Variants in PPP1R12C observed in about 807,000 individuals in gnomAD.
The protein encoded by PPP1R12C is leukocyte receptor cluster (LRC) encoded novel gene 3.
A neutral mutation model predicts 95.6 loss-of-function variants in PPP1R12C; 48 were observed. That is an observed-to-expected ratio of 0.50 (90% CI 0.40 to 0.64). PPP1R12C has a LOEUF of 0.64. Among genes scored for constraint, PPP1R12C ranks in the 30% least tolerant of loss-of-function variants. The probability of loss-of-function intolerance (pLI) is 0.00; values close to 1 mark genes in which losing one functional copy is unlikely to be tolerated. For missense variants in PPP1R12C, 1,057 were observed against 1,083.3 expected, an observed-to-expected ratio of 0.98 and a Z score of 0.34; for synonymous variants, 480 against 460.8, an observed-to-expected ratio of 1.04 and a Z score of -0.53.
rs2147197134 is a variant in PPP1R12C, at chr19:55,103,413, T to C, written c.727A>G (p.Met243Val). 2 of 1,506,716 alleles carry C rather than the reference T, an allele frequency of 1.3e-6. No individual in the cohort carries two copies. The highest frequency in any genetic ancestry group is 2.5e-5 in the East Asian group (1 of 40,700). 93.3% of individuals were successfully genotyped at this position (1,506,716 alleles called of 1,614,324 possible). The change falls in exon 4 of 22, where the codon ATG (methionine) becomes GTG (valine). Residue 243 changes from methionine to valine, a missense_variant. Around this residue, in one of 5 missense-constraint regions of PPP1R12C, gnomAD observed 282 missense variants for 380.4 expected, o/e 0.74. Transcript: ENST00000263433. ...VAAAKGYIEV[M>V]RLLLQAGYDP... ...GAACAGACTGGCCCAACTCACCTCATCACCTCAATGTAGCCCTTGGCAGCA... is the reference window on the plus strand; with the variant it reads ...GAACAGACTGGCCCAACTCACCTCACCACCTCAATGTAGCCCTTGGCAGCA...
chr19:55,105,885 T>C (rs1225559399), intron 3 of PPP1R12C, among the ~76,000 whole-genome samples: 1 of 151,328 alleles, frequency 6.6e-6, no homozygotes, highest in Non-Finnish European at 1.5e-5. Flanking sequence ...AAGGCTGCAG[T>C]GAGCCATTAT....
rs1270400181 is a variant in PPP1R12C at position 55,092,470 on chromosome 19, G to C, written c.2027C>G (p.Ser676Trp). 6.2e-7 allele frequency: 1 copy of C among 1,609,762 alleles called. No individual in the cohort carries two copies. The highest frequency in any genetic ancestry group is 1.7e-5 in the Admixed American group (1 of 59,698). ...RDLNPEPEPE[S>W]EEPDGGFRTL... ...CCTAAAGCCTCCGTCTGGCTCTTCC[G>C]ATTCTGGCTCAGGTTCTGGGTTGAG... Residue 676 changes from serine (S) to tryptophan (W), a missense_variant, in exon 18 of 22, where the codon TCG (serine) becomes TGG (tryptophan). Physicochemically the swap from Ser to Trp is radical, Grantham distance 177. Coordinates refer to ENST00000263433, the MANE Select transcript of PPP1R12C (RefSeq NM_017607.4).
chr19:55,113,456 GCAGC>G, intron 1 of PPP1R12C: 1 of 1,484,546 alleles, frequency 6.7e-7, no homozygotes, highest in Non-Finnish European at 8.9e-7. Flanking sequence ...ACGGGGCCCT[GCAGC>G]CAGGGGCTGA....
chr19:55,106,313 A>G (rs1324849217), intron 3 of PPP1R12C, among the ~76,000 whole-genome samples: 1 of 152,202 alleles, frequency 6.6e-6, no homozygotes, highest in Non-Finnish European at 1.5e-5. Context: ...ACATCTGCCC[A>G]TGGTTGGGAA....
intron 16 of PPP1R12C, 40 bp from the exon 17 acceptor site, chr19:55,092,702 G>A: frequency 6.5e-7 from 1 of 1,527,392 alleles, no homozygotes; most frequent in Non-Finnish European, 8.8e-7. Context: ...GTATGGGAGG[G>A]ACTTTAGCGG....
chr19:55,112,968 G>T, intron 1 of PPP1R12C, 173 bp from the exon 2 acceptor site: 1 of 911,150 alleles, frequency 1.1e-6, no homozygotes, highest in Non-Finnish European at 1.6e-6. Context: ...TGGTTGCCCA[G>T]TGGTCAGGCC....
Position 55,109,742 on chromosome 19 carries a change from G to A in PPP1R12C, c.571+2725C>T, listed in dbSNP as rs1568818572. 3.3e-5 allele frequency among the ~76,000 whole-genome samples: 5 copies of A among 152,236 alleles called. No individual in the cohort carries two copies. Among genetic ancestry groups the A allele is most frequent in the Admixed American group, 3.3e-4 (5 of 15,290 alleles). ...CACCTCGGGGAATTCTGCATCATGT[G>A]GGCGTGTCCTGCAGGGGGTGCAAAA... On this transcript the variant is annotated intron_variant, in intron 3 of 21. Transcript: ENST00000263433. This position sits in a 1 kb window ranked among gnomAD's most constrained non-coding sequence, Gnocchi z 4.4.
At chr19:55,108,512 TTCCTA>T (rs1170565304) in intron 3 of PPP1R12C, among the ~76,000 whole-genome samples, 1 of 152,116 alleles carries the variant, frequency 6.6e-6, no homozygotes, top group Non-Finnish European at 1.5e-5. Context: ...ACTAAACTAC[TTCCTA>T]TTCTCCCCAC....
intron 3 of PPP1R12C, among the ~76,000 whole-genome samples, chr19:55,104,219 A>C (rs996461519): frequency 8.0e-5 from 11 of 137,196 alleles, no homozygotes; most frequent in South Asian, 2.3e-4. Context: ...CACACATACA[A>C]AAATATAAAT....
chr19:55,094,792 C>T lies in PPP1R12C; in HGVS notation c.1461G>A (p.Glu487=), dbSNP rs376368537. The stretch of plus-strand genomic sequence containing the variant: ...CCAAGCAAGGAGGAGGCTTGGTGAC[C>T]TCAGACCTGCATCAATTCATTCATT... ...PKLPEPSVLS[E]VTKPPPCLEN... is the part of the protein sequence containing the mutation. The change falls in exon 12 of 22, where the codon GAG becomes GAA. Residue 487 remains glutamate, a synonymous_variant. Transcript: ENST00000263433. The T allele has an allele frequency of 5.0e-6, 8 of 1,593,480 alleles. No homozygotes were observed. Among genetic ancestry groups the T allele is most frequent in the African/African-American group, 2.7e-5 (2 of 74,830 alleles).
At chr19:55,097,702 C>T (rs528084585) in intron 6 of PPP1R12C, among the ~76,000 whole-genome samples, 87 of 152,306 alleles carry the variant, frequency 5.7e-4, no homozygotes, top group African/African-American at 2.0e-3. Context: ...ACCGTCTTCA[C>T]ACCTTTGTAC....
chr19:55,091,277 C>T lies in PPP1R12C; in HGVS notation c.*195G>A. On this transcript the variant is annotated 3_prime_UTR_variant, in exon 22 of 22. Coordinates refer to ENST00000263433, the MANE Select transcript of PPP1R12C (RefSeq NM_017607.4). ...AACGTCCCCCTGCTTGGCTCGGCCT[C>T]CCACCTCCATCCTGGCCTCGGGTGG... The T allele has an allele frequency of 1.6e-6, 1 of 620,808 alleles. No individual in the cohort carries two copies. Among genetic ancestry groups the T allele is most frequent in the Non-Finnish European group, 2.8e-6 (1 of 356,880 alleles). 38.5% of individuals were successfully genotyped at this position (620,808 alleles called of 1,614,324 possible).
intron 19 of PPP1R12C, 138 bp from the exon 20 acceptor site, chr19:55,092,047 G>C: frequency 2.5e-6 from 3 of 1,203,896 alleles, no homozygotes; most frequent in South Asian, 2.6e-5. Flanking sequence ...CCCCGCCACC[G>C]GCAGGCCCAC....
At chr19:55,103,650 T>C in intron 3 of PPP1R12C, 82 bp from the exon 4 acceptor site, 1 of 1,347,412 alleles carries the variant, frequency 7.4e-7, no homozygotes, top group Non-Finnish European at 9.9e-7. Context: ...TGGCCAGGGT[T>C]CAGCCCAGTG....
At chr19:55,096,838 C>T (rs1375336144) in intron 6 of PPP1R12C, 1 of 230,366 alleles carries the variant, frequency 4.3e-6, no homozygotes, top group Non-Finnish European at 8.5e-6. Flanking sequence ...CCACCGTCTT[C>T]GCCCCTTCCC....
chr19:55,111,141 G>A (rs941751080), intron 3 of PPP1R12C, among the ~76,000 whole-genome samples: 23 of 141,542 alleles, frequency 1.6e-4, no homozygotes, highest in African/African-American at 6.2e-4. Flanking sequence ...GCTTCGTGGG[G>A]TGGGGGGGAG....
intron 13 of PPP1R12C, 91 bp from the exon 14 acceptor site, chr19:55,093,324 T>G: frequency 4.0e-6 from 1 of 252,364 alleles, no homozygotes; most frequent in Non-Finnish European, 5.8e-6. Flanking sequence ...CAGCCCCTCC[T>G]CCCTCAGACC....
chr19:55,105,847 T>C (rs567753773), intron 3 of PPP1R12C, among the ~76,000 whole-genome samples: 15 of 151,560 alleles, frequency 9.9e-5, no homozygotes, highest in Admixed American at 9.9e-4. Flanking sequence ...GAGGCTGAGA[T>C]GGAAGGATCA....
Position 55,117,325 on chromosome 19 carries a change from G to A in PPP1R12C, c.219C>T (p.Ala73=). 2 of 1,178,948 alleles carry A rather than the reference G, an allele frequency of 1.7e-6. No individual in the cohort carries two copies. The highest frequency in any genetic ancestry group is 2.1e-6 in the Non-Finnish European group (2 of 955,498). The allele number at this position is 1,178,948 out of a possible 1,614,324, so 73.0% of individuals were successfully genotyped here. Residue 73 remains alanine, a synonymous_variant, in exon 1 of 22, where the codon GCC becomes GCT. Coordinates refer to ENST00000263433, the MANE Select transcript of PPP1R12C (RefSeq NM_017607.4). ...DLDEARLMLR[A]ADPGPGAELD... is the part of the protein sequence containing the mutation. ...GCTCGGCGCCGGGGCCAGGGTCGGC[G>A]GCGCGCAGCATCAGACGCGCCTCGT...
Sources: gnomAD v4.1 joint callset for allele counts (sites outside exome capture counted in the v4.1 genomes callset) on GRCh38, gnomAD v4.1.1 for gene constraint, gnomAD v4.1.1 regional missense constraint, Gnocchi (gnomAD v3.1) non-coding constraint, MANE v1.5 for transcripts, NCBI Gene and HGNC (gene_info 2026-07-23, HGNC 2026-07-21) for gene names.